Variants in KRAS observed in about 807,000 individuals in gnomAD.
KRAS encodes the protein KRas proto-oncogene, GTPase, also known as GTPase KRas.
A neutral mutation model predicts 21.0 loss-of-function variants in KRAS; 1 was observed. The observed-to-expected ratio is 0.05, with a 90% confidence interval of 0.02 to 0.23. KRAS has a LOEUF of 0.23. Among genes scored for constraint, KRAS ranks in the 10% least tolerant of loss-of-function variants. The pLI is 1.00. For missense variants in KRAS, 107 were observed against 221.8 expected (o/e 0.48, Z 3.29); for synonymous variants, 67 against 72.5 (o/e 0.92, Z 0.39).
rs5797121 is a variant in KRAS, at chr12:25,224,183, T to TAAAA, written c.450+1427_450+1430dup. Among the ~76,000 whole-genome samples, 142 of 79,712 alleles carry TAAAA rather than the reference T, an allele frequency of 1.8e-3. 1 individual carries two copies. The highest frequency in any genetic ancestry group is 6.1e-3 in the African/African-American group (126 of 20,734). 52.3% of individuals were successfully genotyped at this position (79,712 alleles called of 152,430 possible). Reference sequence around the variant, plus strand: ...TTTATAGTGTACTCCTCCTATTTACTAAAAAAAAAAAAAAAAAAAAAAAAA... The same window carrying TAAAA: ...TTTATAGTGTACTCCTCCTATTTACTAAAAAAAAAAAAAAAAAAAAAAAAAAAAA... On this transcript the variant is annotated intron_variant, in intron 4 of 4. Coordinates refer to ENST00000311936, the MANE Select transcript of KRAS (RefSeq NM_004985.5).
At chr12:25,250,638 C>G (rs995331195) in intron 1 of KRAS, 113 bp downstream of exon 1, 4 of 169,662 alleles carry the variant, frequency 2.4e-5, no homozygotes, top group Non-Finnish European at 3.8e-5. Flanking sequence ...CCGCGCCCCC[C>G]ACCCGCCCCT....
chr12:25,234,825 C>T (rs1209241868), intron 2 of KRAS: 2 of 209,210 alleles, frequency 9.6e-6, no homozygotes, highest in Non-Finnish European at 1.9e-5. Flanking sequence ...GGTTTTCCAA[C>T]TCAGGCAGTG....
intron 4 of KRAS, among the ~76,000 whole-genome samples, chr12:25,219,042 G>A (rs573077410): frequency 7.9e-5 from 12 of 151,604 alleles, no homozygotes; most frequent in African/African-American, 1.2e-4. Flanking sequence ...GGGTTCAAGC[G>A]ATTCTCCTGC....
intron 2 of KRAS, among the ~76,000 whole-genome samples, chr12:25,240,772 A>G (rs535394795): frequency 6.6e-6 from 1 of 152,320 alleles, no homozygotes; most frequent in Non-Finnish European, 1.5e-5. Flanking sequence ...TGGATTTATA[A>G]AAACCCAAGG....
chr12:25,224,592 GTTAA>G (rs1457725296), intron 4 of KRAS, among the ~76,000 whole-genome samples: 6 of 152,030 alleles, frequency 3.9e-5, no homozygotes, highest in Non-Finnish European at 7.4e-5. Context: ...GTAAAGTAAG[GTTAA>G]TTTATTATTG....
intron 2 of KRAS, among the ~76,000 whole-genome samples, chr12:25,236,028 C>A (rs1951541189): frequency 6.6e-6 from 1 of 152,060 alleles, no homozygotes; most frequent in South Asian, 2.1e-4. Context: ...TCCGGCTGTG[C>A]AGCCCAGTTC....
chr12:25,231,656 A>T (rs1293855597), intron 2 of KRAS, among the ~76,000 whole-genome samples: 1 of 152,132 alleles, frequency 6.6e-6, no homozygotes, highest in East Asian at 1.9e-4. Context: ...TCGATAGCAA[A>T]GTTCTGAGAC....
At chr12:25,217,040 T>C (rs1311325687) in intron 4 of KRAS, among the ~76,000 whole-genome samples, 3 of 152,190 alleles carry the variant, frequency 2.0e-5, no homozygotes, top group African/African-American at 4.8e-5. Flanking sequence ...GCATACATAT[T>C]TTAGCTTTCT....
At chr12:25,215,618 G>T in intron 4 of KRAS, 2 of 1,423,370 alleles carry the variant, frequency 1.4e-6, no homozygotes, top group South Asian at 1.2e-5. Flanking sequence ...GTAATTTACT[G>T]GGAAAGCCAT....
chr12:25,229,733 CT>C (rs1220230410), intron 2 of KRAS, among the ~76,000 whole-genome samples: 1 of 151,000 alleles, frequency 6.6e-6, no homozygotes, highest in Non-Finnish European at 1.5e-5. Context: ...CAATTATTTT[CT>C]TAATGTTCCA....
chr12:25,245,993 G>C (rs1592823876), intron 1 of KRAS, among the ~76,000 whole-genome samples: 1 of 152,068 alleles, frequency 6.6e-6, no homozygotes, highest in East Asian at 1.9e-4. Flanking sequence ...TGTGTCATGG[G>C]GAAATAAAAA....
intron 1 of KRAS, among the ~76,000 whole-genome samples, chr12:25,249,833 A>C (rs1951741996): frequency 6.6e-6 from 1 of 152,152 alleles, no homozygotes; most frequent in Non-Finnish European, 1.5e-5. Context: ...AACTTCAAGT[A>C]CTATTTTTGC....
At chr12:25,221,732 A>C (rs1951328253) in intron 4 of KRAS, among the ~76,000 whole-genome samples, 1 of 152,198 alleles carries the variant, frequency 6.6e-6, no homozygotes, top group African/African-American at 2.4e-5. Context: ...TTGTTCCTTT[A>C]ACCGGAATAT....
At chr12:25,225,091 A>C (rs930886669) in intron 4 of KRAS, 1 of 151,862 alleles carries the variant, frequency 6.6e-6, no homozygotes, top group African/African-American at 2.4e-5. Context: ...GCATTAAATG[A>C]GTAACAGAAT....
chr12:25,228,932 G>A (rs1335666903), intron 2 of KRAS, among the ~76,000 whole-genome samples: 5 of 152,168 alleles, frequency 3.3e-5, no homozygotes, highest in South Asian at 2.1e-4. Flanking sequence ...GGTGGCGGGC[G>A]CCTGTAGTCC....
intron 4 of KRAS, among the ~76,000 whole-genome samples, chr12:25,218,888 G>A (rs986424791): frequency 6.6e-6 from 1 of 151,682 alleles, no homozygotes. Context: ...AGGACTTGTT[G>A]CCACATATAC....
At chr12:25,237,066 G>T (rs1951553030) in intron 2 of KRAS, among the ~76,000 whole-genome samples, 1 of 152,174 alleles carries the variant, frequency 6.6e-6, no homozygotes, top group Admixed American at 6.5e-5. Flanking sequence ...GCCAGAAAAA[G>T]GAATGAAGGA....
chr12:25,223,066 G>A (rs61762416), intron 4 of KRAS, among the ~76,000 whole-genome samples: 9,391 of 152,216 alleles, frequency 0.062, 390 homozygotes, highest in Non-Finnish European at 0.093. Context: ...AATAAGCCCA[G>A]CTGATTTGTA....
intron 3 of KRAS, among the ~76,000 whole-genome samples, chr12:25,226,922 C>CT (rs968842558): frequency 6.6e-6 from 1 of 151,870 alleles, no homozygotes; most frequent in Non-Finnish European, 1.5e-5. Context: ...TTATGGTTTT[C>CT]TTTTTTAATG....
Sources: gnomAD v4.1 joint callset for allele counts (sites outside exome capture counted in the v4.1 genomes callset) on GRCh38, gnomAD v4.1.1 for gene constraint, MANE v1.5 for transcripts, NCBI Gene and HGNC (gene_info 2026-07-23, HGNC 2026-07-21) for gene names.